NCOA1: variants seen among roughly 807,000 people sequenced by gnomAD.
NCOA1 encodes the protein Hin-2 protein.
Under a neutral mutation model 150.9 loss-of-function variants are expected in NCOA1, and 35 were observed. The observed-to-expected ratio is 0.23, with a 90% CI of 0.18 to 0.31. The LOEUF (loss-of-function observed/expected upper bound fraction) is 0.31. Ranked by LOEUF, NCOA1 falls within the 10% of genes least tolerant of loss-of-function variation. The pLI is 1.00. For synonymous variants in NCOA1, 590 were observed against 630.0 expected (o/e 0.94, Z 0.95); for missense variants, 1,491 against 1,749.3 (o/e 0.85, Z 2.63).
rs1481351122 is a variant in NCOA1, at chr2:24,605,756, C to T, written c.-175+21196C>T. On this transcript the variant is annotated intron_variant, in intron 3 of 22. Transcript: ENST00000348332. Reference sequence around the variant, plus strand: ...CCACCTCTGTTGCATCAGGAATGGCCATGTAAATGAATTCTAGTCAGTAGA... The same window carrying T: ...CCACCTCTGTTGCATCAGGAATGGCTATGTAAATGAATTCTAGTCAGTAGA... Among the ~76,000 whole-genome samples the T allele has an allele frequency of 2.0e-5, 3 of 152,270 alleles. No individual in the cohort carries two copies. In the East Asian group the frequency reaches 5.8e-4, roughly 29 times the overall value.
At chr2:24,699,585 A>G (rs1189289396) in intron 11 of NCOA1, among the ~76,000 whole-genome samples, 1 of 152,148 alleles carries the variant, frequency 6.6e-6, no homozygotes, top group Non-Finnish European at 1.5e-5. Context: ...TCCTCAATAG[A>G]AATAACTGTA....
chr2:24,728,135 A>G (rs963768772), intron 15 of NCOA1, among the ~76,000 whole-genome samples, 173 bp from the exon 16 acceptor site: 66 of 152,348 alleles, frequency 4.3e-4, no homozygotes, highest in African/African-American at 1.6e-3. Context: ...CTACATACCA[A>G]ATACTCATTT....
intron 17 of NCOA1, among the ~76,000 whole-genome samples, chr2:24,731,572 AAG>A (rs1240809607): frequency 1.3e-5 from 2 of 152,188 alleles, no homozygotes; most frequent in Non-Finnish European, 2.9e-5. Context: ...AAGGAGAACT[AAG>A]AAAGGGAAAT....
intron 17 of NCOA1, among the ~76,000 whole-genome samples, chr2:24,737,425 T>C (rs1419898702): frequency 6.6e-6 from 1 of 152,184 alleles, no homozygotes; most frequent in African/African-American, 2.4e-5. Context: ...CTTCTACTTC[T>C]AAAAAAGAGC....
intron 1 of NCOA1, among the ~76,000 whole-genome samples, chr2:24,530,639 C>G (rs899906732): frequency 1.3e-5 from 2 of 152,146 alleles, no homozygotes; most frequent in African/African-American, 4.8e-5. Flanking sequence ...GCCTCATGCC[C>G]ACTTCATTTG....
At position 24,707,354 on chromosome 2, in the gene NCOA1, A is replaced by G. The variant is rs754032890; in HGVS notation, c.1884A>G (p.Gln628=). 1.6e-5 allele frequency: 26 copies of G among 1,614,114 alleles called. 1 individual carries two copies. The Admixed American group carries it at 3.8e-4, about 24-fold the overall frequency. ...RLSDGDSKYS[Q]TSHKLVQLLT... Reference sequence around the variant, plus strand: ...CAGATGGAGACAGTAAATACTCTCAAACCAGTCACAAACTAGTGCAGCTTT... The same window carrying G: ...CAGATGGAGACAGTAAATACTCTCAGACCAGTCACAAACTAGTGCAGCTTT... Residue 628 remains glutamine (Q), a synonymous_variant, in exon 13 of 23, where the codon CAA becomes CAG. Coordinates refer to ENST00000348332, the MANE Select transcript of NCOA1 (RefSeq NM_003743.5).
intron 4 of NCOA1, among the ~76,000 whole-genome samples, chr2:24,657,078 T>G (rs1398105088): frequency 6.6e-6 from 1 of 152,206 alleles, no homozygotes; most frequent in African/African-American, 2.4e-5. Context: ...TAATTTACAT[T>G]CCCACTAAAA....
chr2:24,666,764 C>T (rs1327376802), intron 6 of NCOA1, among the ~76,000 whole-genome samples: 3 of 152,060 alleles, frequency 2.0e-5, no homozygotes, highest in Non-Finnish European at 2.9e-5. Flanking sequence ...TCCCAAGTAG[C>T]TGGGATTACA....
chr2:24,741,203 G>A (rs978381912), intron 18 of NCOA1, among the ~76,000 whole-genome samples: 1 of 151,816 alleles, frequency 6.6e-6, no homozygotes, highest in Non-Finnish European at 1.5e-5. Context: ...GTAATAATTT[G>A]GTAAATATAG....
intron 2 of NCOA1, among the ~76,000 whole-genome samples, chr2:24,581,198 T>C (rs1037419806): frequency 6.6e-6 from 1 of 152,224 alleles, no homozygotes; most frequent in Non-Finnish European, 1.5e-5. Flanking sequence ...CTGCTAGGCT[T>C]CTCCAAAAAC....
chr2:24,514,938 C>G (rs189101057), intron 1 of NCOA1, among the ~76,000 whole-genome samples: 19 of 152,110 alleles, frequency 1.2e-4, no homozygotes, highest in African/African-American at 4.6e-4. Context: ...CATTAGTTAT[C>G]CATAGCTTAA....
intron 2 of NCOA1, among the ~76,000 whole-genome samples, chr2:24,566,957 G>A (rs1031174956): frequency 1.3e-5 from 2 of 152,212 alleles, no homozygotes; most frequent in Non-Finnish European, 2.9e-5. Context: ...CACAGTGGTG[G>A]ATGGGCAGTT....
intron 19 of NCOA1, among the ~76,000 whole-genome samples, chr2:24,746,911 G>A (rs1283470386): frequency 6.6e-6 from 1 of 151,886 alleles, no homozygotes; most frequent in Non-Finnish European, 1.5e-5. Context: ...ATGGAGGAGG[G>A]GTATGTAGCT....
At chr2:24,555,420 A>G (rs1666031934) in intron 1 of NCOA1, among the ~76,000 whole-genome samples, 1 of 152,228 alleles carries the variant, frequency 6.6e-6, no homozygotes, top group Admixed American at 6.5e-5. Context: ...GCTCCTGAAA[A>G]GAACATAGTT....
chr2:24,575,176 T>G (rs1666904147), intron 2 of NCOA1, among the ~76,000 whole-genome samples: 1 of 152,220 alleles, frequency 6.6e-6, no homozygotes, highest in African/African-American at 2.4e-5. Context: ...TTCATTATTT[T>G]TGTATTTTTC....
At chr2:24,610,445 C>G (rs62142303) in intron 3 of NCOA1, among the ~76,000 whole-genome samples, 26,845 of 151,800 alleles carry the variant, frequency 0.18, 2,629 homozygotes, top group Non-Finnish European at 0.22. Flanking sequence ...CCAGCCTTTA[C>G]GCTGCATTCT....
At chr2:24,605,720 G>A (rs190228121) in intron 3 of NCOA1, among the ~76,000 whole-genome samples, 1 of 152,150 alleles carries the variant, frequency 6.6e-6, no homozygotes, top group Non-Finnish European at 1.5e-5. Flanking sequence ...CACAGAGTTA[G>A]GTTGAATTTT....
chr2:24,547,614 A>G (rs1284308142), intron 1 of NCOA1, among the ~76,000 whole-genome samples: 1 of 152,206 alleles, frequency 6.6e-6, no homozygotes, highest in Non-Finnish European at 1.5e-5. Flanking sequence ...ACAGCATTGT[A>G]TGGCAAAATA....
At chr2:24,722,646 G>A (rs1165916416) in intron 14 of NCOA1, among the ~76,000 whole-genome samples, 1 of 151,836 alleles carries the variant, frequency 6.6e-6, no homozygotes, top group Non-Finnish European at 1.5e-5. Context: ...TGAGGCAGTT[G>A]TTTTTGTGTT....
Sources: allele counts gnomAD v4.1 joint callset (sites outside exome capture counted in the v4.1 genomes callset), GRCh38; gene constraint gnomAD v4.1.1; transcripts MANE v1.5; gene names NCBI Gene and HGNC (gene_info 2026-07-23, HGNC 2026-07-21).